AGTR1: variants seen among roughly 807,000 people sequenced by gnomAD.
AGTR1 encodes type-1 angiotensin II receptor.
A neutral mutation model predicts 19.4 loss-of-function variants in AGTR1; 16 were observed. The observed-to-expected ratio is 0.82, with a 90% CI of 0.56 to 1.25. The LOEUF (loss-of-function observed/expected upper bound fraction) is 1.25, where lower values mean the gene tolerates loss of function less well. Among genes scored for constraint, AGTR1 ranks in the 50% most tolerant of loss-of-function variants. AGTR1 has a pLI of 0.00. For synonymous variants in AGTR1, 153 were observed against 154.9 expected (o/e 0.99, Z 0.09); for missense variants, 373 against 431.9 (o/e 0.86, Z 1.21).
chr3:148,704,981 C>A (rs1201851864), intron 1 of AGTR1, among the ~76,000 whole-genome samples: 1 of 152,162 alleles, frequency 6.6e-6, no homozygotes, highest in Non-Finnish European at 1.5e-5. Flanking sequence ...CAATCCAGGG[C>A]TGCCATCATG....
At chr3:148,740,829 C>T (rs912888927) in intron 2 of AGTR1, among the ~76,000 whole-genome samples, 160 bp from the exon 3 acceptor site, 9 of 152,172 alleles carry the variant, frequency 5.9e-5, no homozygotes, top group African/African-American at 1.9e-4. Flanking sequence ...CTTTCTTAGG[C>T]TTTATCAGTT....
At chr3:148,739,081 G>A (rs550572571) in intron 2 of AGTR1, among the ~76,000 whole-genome samples, 5 of 152,316 alleles carry the variant, frequency 3.3e-5, no homozygotes, top group East Asian at 1.9e-4. Context: ...TTTCAAGGCC[G>A]GGTGCGGTGG....
At position 148,726,495 on chromosome 3, in the gene AGTR1, A is replaced by C. The variant is rs542379125; in HGVS notation, c.-47-14494A>C. 6.6e-5 allele frequency among the ~76,000 whole-genome samples: 10 copies of C among 152,242 alleles called. No homozygotes were observed. In the East Asian group the frequency reaches 7.7e-4, roughly 12 times the overall value. On this transcript the variant is annotated intron_variant, in intron 2 of 2. Transcript: ENST00000349243. Reference sequence around the variant, plus strand: ...GTGCTGGGATTACAGGCGTGAGCCAACATGCCTGGCCTGCAGTCAACTGAT... The same window carrying C: ...GTGCTGGGATTACAGGCGTGAGCCACCATGCCTGGCCTGCAGTCAACTGAT...
chr3:148,740,910 A>T, intron 2 of AGTR1, 79 bp from the exon 3 acceptor site: 1 of 1,313,644 alleles, frequency 7.6e-7, no homozygotes, highest in Non-Finnish European at 1.0e-6. Context: ...TACGTTTATG[A>T]CTGAGAAATG....
chr3:148,728,092 A>C (rs1409866387), intron 2 of AGTR1, among the ~76,000 whole-genome samples: 1 of 152,170 alleles, frequency 6.6e-6, no homozygotes, highest in African/African-American at 2.4e-5. Flanking sequence ...AATCAGTCTA[A>C]TTGAGAGGCA....
Position 148,741,979 on chromosome 3 carries a change from A to C in AGTR1, c.944A>C (p.Gln315Pro), listed in dbSNP as rs750956179. Residue 315 changes from glutamine to proline, a missense_variant, in exon 3 of 3, where the codon CAG (glutamine) becomes CCG (proline). Transcript: ENST00000349243. ...LGKKFKRYFLQLLKYIPPKAK... is the reference protein window; with the variant it reads ...LGKKFKRYFLPLLKYIPPKAK... Reference sequence around the variant, plus strand: ...AAAAAATTTAAAAGATATTTTCTCCAGCTTCTAAAATATATTCCCCCAAAA... The same window carrying C: ...AAAAAATTTAAAAGATATTTTCTCCCGCTTCTAAAATATATTCCCCCAAAA... The C allele has an allele frequency of 1.9e-6, 3 of 1,613,520 alleles. No individual in the cohort carries two copies. Among genetic ancestry groups the C allele is most frequent in the Non-Finnish European group, 1.7e-6 (2 of 1,179,946 alleles).
At chr3:148,733,755 T>C (rs1013841828) in intron 2 of AGTR1, among the ~76,000 whole-genome samples, 1 of 152,208 alleles carries the variant, frequency 6.6e-6, no homozygotes, top group African/African-American at 2.4e-5. Flanking sequence ...TATGAGTCTA[T>C]AAGTTTGAAG....
intron 2 of AGTR1, among the ~76,000 whole-genome samples, chr3:148,720,692 T>C (rs1576531031): frequency 7.0e-6 from 1 of 142,484 alleles, no homozygotes. Flanking sequence ...AAAAAAGCCA[T>C]AGGATTTTAT....
chr3:148,717,244 G>A (rs182068280), intron 2 of AGTR1, among the ~76,000 whole-genome samples: 20 of 152,212 alleles, frequency 1.3e-4, no homozygotes, highest in Admixed American at 1.1e-3. Flanking sequence ...ACACTTACTG[G>A]TGTCAGGCAC....
chr3:148,728,023 T>C (rs555801773), intron 2 of AGTR1, among the ~76,000 whole-genome samples: 1 of 152,122 alleles, frequency 6.6e-6, no homozygotes, highest in East Asian at 1.9e-4. Context: ...CACCTCCCTC[T>C]CCCACATTGG....
intron 2 of AGTR1, among the ~76,000 whole-genome samples, chr3:148,723,372 C>T (rs886958741): frequency 2.0e-5 from 3 of 152,132 alleles, no homozygotes; most frequent in African/African-American, 4.8e-5. Flanking sequence ...ATGTAAACTC[C>T]TCACCAGTCA....
chr3:148,706,385 A>T (rs2107929019), intron 1 of AGTR1, among the ~76,000 whole-genome samples: 1 of 152,142 alleles, frequency 6.6e-6, no homozygotes, highest in Non-Finnish European at 1.5e-5. Context: ...TAAATGCTAA[A>T]CTTGGTATGC....
intron 2 of AGTR1, among the ~76,000 whole-genome samples, chr3:148,720,701 A>T (rs952852125): frequency 1.5e-5 from 2 of 134,666 alleles, no homozygotes; most frequent in East Asian, 3.9e-4. Context: ...ATAGGATTTT[A>T]TTATTTTTTT....
rs543295120 is a variant in AGTR1 at position 148,699,277 on chromosome 3, C to A, written c.-132+1150C>A. Among the ~76,000 whole-genome samples, 13 of 152,306 alleles carry A rather than the reference C, an allele frequency of 8.5e-5. No homozygotes were observed. In the South Asian group the frequency reaches 2.5e-3, roughly 29 times the overall value. ...TCCCGCTGAAGATGCTGCATCCCAA[C>A]ATGATTCTCTTATTATTAGTTACCA... On this transcript the variant is annotated intron_variant, in intron 1 of 2. Coordinates refer to ENST00000349243, the MANE Select transcript of AGTR1 (RefSeq NM_000685.5).
chr3:148,733,462 A>G (rs1348225809), intron 2 of AGTR1, among the ~76,000 whole-genome samples: 1 of 152,202 alleles, frequency 6.6e-6, no homozygotes, highest in Non-Finnish European at 1.5e-5. Flanking sequence ...CACACCCCTT[A>G]AAATGGAATT....
chr3:148,723,556 C>A (rs1268441078), intron 2 of AGTR1, among the ~76,000 whole-genome samples: 1 of 152,200 alleles, frequency 6.6e-6, no homozygotes, highest in Non-Finnish European at 1.5e-5. Flanking sequence ...CTTTGGAGCA[C>A]TTCAGAGCAG....
chr3:148,703,080 G>A lies in AGTR1; in HGVS notation c.-131-4864G>A, dbSNP rs117001750. ...GAATAAAAGGTTGAAATATCAAATC[G>A]GTGGTTCTTAAGATGACAGAGGCAG... On this transcript the variant is annotated intron_variant, in intron 1 of 2. Coordinates refer to ENST00000349243, the MANE Select transcript of AGTR1 (RefSeq NM_000685.5). Among the ~76,000 whole-genome samples, 85 of 152,198 alleles carry A rather than the reference G, an allele frequency of 5.6e-4. No individual in the cohort carries two copies. In the East Asian group the frequency reaches 0.015, roughly 28 times the overall value.
chr3:148,714,193 C>CGT (rs1713157242), intron 2 of AGTR1, among the ~76,000 whole-genome samples: 1 of 152,196 alleles, frequency 6.6e-6, no homozygotes, highest in Non-Finnish European at 1.5e-5. Flanking sequence ...AGCACAAAGT[C>CGT]GTGAGCAAGG....
chr3:148,710,383 G>T (rs1438348215), intron 2 of AGTR1, among the ~76,000 whole-genome samples: 1 of 152,044 alleles, frequency 6.6e-6, no homozygotes, highest in African/African-American at 2.4e-5. Context: ...TCTTAAAATT[G>T]TGAAAAGAAG....
Sources: allele counts gnomAD v4.1 joint callset (sites outside exome capture counted in the v4.1 genomes callset), GRCh38; gene constraint gnomAD v4.1.1; transcripts MANE v1.5; gene names NCBI Gene and HGNC (gene_info 2026-07-23, HGNC 2026-07-21).